EML4: variants seen among roughly 807,000 people sequenced by gnomAD.
EML4 encodes EMAP like 4.
EML4 carries 72 observed loss-of-function variants against 129.0 expected under a neutral mutation model. The ratio of observed to expected loss-of-function variants is 0.56; its 90% CI spans 0.46 to 0.68. The LOEUF (loss-of-function observed/expected upper bound fraction) is 0.68, where lower values mean the gene tolerates loss of function less well. Among genes scored for constraint, EML4 ranks in the 30% least tolerant of loss-of-function variants. The pLI is 0.00. For missense variants in EML4, 1,363 were observed against 1,190.6 expected, an observed-to-expected ratio of 1.14 and a Z score of -2.13; for synonymous variants, 532 against 405.0, an observed-to-expected ratio of 1.31 and a Z score of -3.77.
intron 6 of EML4, among the ~76,000 whole-genome samples, chr2:42,268,134 T>A (rs1666165764): frequency 6.6e-6 from 1 of 152,188 alleles, no homozygotes; most frequent in Admixed American, 6.5e-5. Flanking sequence ...CTTCCATATC[T>A]GCGGATTTCA....
At chr2:42,252,764 A>G (rs538973521) in intron 2 of EML4, among the ~76,000 whole-genome samples, 17 of 151,306 alleles carry the variant, frequency 1.1e-4, no homozygotes, top group African/African-American at 3.2e-4. Flanking sequence ...TCAGCTGTCT[A>G]TTTCTTTCTT....
Position 42,312,440 on chromosome 2 carries a change from A to G in EML4, c.1968-3522A>G, listed in dbSNP as rs192200578. Among the ~76,000 whole-genome samples the G allele has an allele frequency of 1.1e-4, 17 of 152,284 alleles. No homozygotes were observed. In the East Asian group the frequency reaches 1.9e-3, roughly 17 times the overall value. ...GTCTGATAAGAAACATTTACAGTCT[A>G]TTCTCTCTGAAGCCTACCTAAAGAC... On this transcript the variant is annotated intron_variant, in intron 17 of 22. Coordinates refer to ENST00000318522, the MANE Select transcript of EML4 (RefSeq NM_019063.5).
At chr2:42,311,316 C>T (rs1211701677) in intron 17 of EML4, among the ~76,000 whole-genome samples, 1 of 152,168 alleles carries the variant, frequency 6.6e-6, no homozygotes, top group Non-Finnish European at 1.5e-5. Flanking sequence ...CCTGTAATCC[C>T]AGCACTTTGG....
At chr2:42,172,816 A>AT (rs1670356385) in intron 1 of EML4, among the ~76,000 whole-genome samples, 1 of 152,104 alleles carries the variant, frequency 6.6e-6, no homozygotes, top group African/African-American at 2.4e-5. Context: ...GCTTTTACCG[A>AT]TTTTTTATAA....
intron 17 of EML4, among the ~76,000 whole-genome samples, chr2:42,314,868 G>A (rs1209367291): frequency 6.6e-6 from 1 of 152,150 alleles, no homozygotes; most frequent in African/African-American, 2.4e-5. Context: ...AATACTTTTA[G>A]GAAAAAGGTC....
chr2:42,287,788 C>A lies in EML4; in HGVS notation c.1123-439C>A, dbSNP rs147911827. On this transcript the variant is annotated intron_variant, in intron 10 of 22. Coordinates refer to ENST00000318522, the MANE Select transcript of EML4 (RefSeq NM_019063.5). ...CTGAAATCAGCAAACTCTAAAATAG[C>A]CATGAATTTTAGCTTATTCTGTCAA... Among the ~76,000 whole-genome samples the A allele has an allele frequency of 3.2e-3, 490 of 152,140 alleles. 2 individuals are homozygous for A. The highest frequency in any genetic ancestry group is 0.011 in the African/African-American group (464 of 41,512).
At chr2:42,205,484 G>A (rs949140441) in intron 1 of EML4, among the ~76,000 whole-genome samples, 6 of 150,624 alleles carry the variant, frequency 4.0e-5, no homozygotes, top group African/African-American at 1.5e-4. Context: ...TGAATTAAAT[G>A]CCCCTGCCCT....
intron 1 of EML4, among the ~76,000 whole-genome samples, chr2:42,205,820 T>C (rs1026039253): frequency 2.6e-5 from 4 of 152,214 alleles, no homozygotes; most frequent in Non-Finnish European, 5.9e-5. Flanking sequence ...TCTAGTCTTA[T>C]TTTTACTCTC....
chr2:42,184,381 C>T (rs568034656), intron 1 of EML4, among the ~76,000 whole-genome samples: 4 of 103,888 alleles, frequency 3.9e-5, no homozygotes, highest in African/African-American at 1.5e-4. Flanking sequence ...CTATCCCTCC[C>T]CCCTCCCCCC....
intron 5 of EML4, among the ~76,000 whole-genome samples, chr2:42,264,030 G>T (rs187379905): frequency 5.9e-4 from 90 of 151,342 alleles, no homozygotes; most frequent in African/African-American, 2.2e-3. Context: ...TGCCAGCCTG[G>T]TGTATGTTTT....
chr2:42,272,813 TG>T (rs1379836607), intron 6 of EML4, among the ~76,000 whole-genome samples: 1 of 152,216 alleles, frequency 6.6e-6, no homozygotes, highest in East Asian at 1.9e-4. Flanking sequence ...AGAAGGCAGC[TG>T]GGGCTTTTTT....
chr2:42,206,346 T>C (rs1488743859), intron 1 of EML4, among the ~76,000 whole-genome samples: 1 of 152,188 alleles, frequency 6.6e-6, no homozygotes, highest in East Asian at 1.9e-4. Flanking sequence ...CCTAAGTAGC[T>C]GGGCCTATAA....
chr2:42,324,324 G>A (rs1669675757), intron 19 of EML4, among the ~76,000 whole-genome samples: 1 of 151,626 alleles, frequency 6.6e-6, no homozygotes, highest in Non-Finnish European at 1.5e-5. Flanking sequence ...TGACCAGAAA[G>A]CTAGTAATTG....
intron 6 of EML4, among the ~76,000 whole-genome samples, chr2:42,280,089 A>T (rs1311812927): frequency 6.6e-6 from 1 of 152,080 alleles, no homozygotes; most frequent in Non-Finnish European, 1.5e-5. Flanking sequence ...TCCTGGCATA[A>T]GAAAAAGTTA....
At chr2:42,283,990 C>G (rs1288530952) in intron 8 of EML4, among the ~76,000 whole-genome samples, 3 of 152,178 alleles carry the variant, frequency 2.0e-5, no homozygotes, top group African/African-American at 7.2e-5. Context: ...ATAAAGATGT[C>G]TTTTTCAGAA....
intron 1 of EML4, among the ~76,000 whole-genome samples, chr2:42,194,317 C>T (rs1671773181): frequency 6.8e-6 from 1 of 146,522 alleles, no homozygotes; most frequent in African/African-American, 2.5e-5. Flanking sequence ...AATCCTAATC[C>T]AGATCTGTAT....
intron 2 of EML4, among the ~76,000 whole-genome samples, chr2:42,247,138 G>A (rs1474030360): frequency 6.6e-6 from 1 of 152,174 alleles, no homozygotes; most frequent in Non-Finnish European, 1.5e-5. Context: ...AGGACAAAAA[G>A]GCAGCAGAGA....
chr2:42,198,737 A>T (rs1255555146), intron 1 of EML4, among the ~76,000 whole-genome samples: 1 of 151,992 alleles, frequency 6.6e-6, no homozygotes, highest in South Asian at 2.1e-4. Context: ...TATTGAGGCA[A>T]TGGGAGTTGG....
At chr2:42,216,633 ATAT>A (rs554491503) in intron 1 of EML4, among the ~76,000 whole-genome samples, 276 of 152,162 alleles carry the variant, frequency 1.8e-3, no homozygotes, top group Non-Finnish European at 3.4e-3. Flanking sequence ...TTTCCATTTC[ATAT>A]CTCTACAGTT....
Sources: gnomAD v4.1 joint callset for allele counts (sites outside exome capture counted in the v4.1 genomes callset) on GRCh38, gnomAD v4.1.1 for gene constraint, MANE v1.5 for transcripts, NCBI Gene and HGNC (gene_info 2026-07-23, HGNC 2026-07-21) for gene names.